The following ZNF804B variants were observed in gnomAD, a reference collection of about 807,000 sequenced individuals.
The protein encoded by ZNF804B is zinc finger 804B.
In ZNF804B, 80 loss-of-function variants were observed where a neutral mutation model predicts 101.4. The observed-to-expected ratio is 0.79, with a 90% CI of 0.66 to 0.95. The LOEUF (loss-of-function observed/expected upper bound fraction) is 0.95, where lower values mean the gene tolerates loss of function less well. Among genes scored for constraint, ZNF804B ranks in the 40% least tolerant of loss-of-function variants. The probability of loss-of-function intolerance (pLI) is 0.00; values close to 1 mark genes in which losing one functional copy is unlikely to be tolerated. For missense variants in ZNF804B, 1,673 were observed against 1,561.9 expected, an observed-to-expected ratio of 1.07 and a Z score of -1.20; for synonymous variants, 622 against 558.8, an observed-to-expected ratio of 1.11 and a Z score of -1.59.
intron 2 of ZNF804B, among the ~76,000 whole-genome samples, chr7:89,285,037 A>G (rs1326806036): frequency 1.3e-5 from 2 of 151,828 alleles, no homozygotes; most frequent in Non-Finnish European, 2.9e-5. Context: ...TGTCTCCACT[A>G]AATAAAAAAA....
chr7:89,332,965 T>G (rs1791010349), intron 3 of ZNF804B, among the ~76,000 whole-genome samples: 1 of 151,836 alleles, frequency 6.6e-6, no homozygotes, highest in Admixed American at 6.6e-5. Context: ...ATTTTTATAT[T>G]TTTAAAGTGG....
intron 2 of ZNF804B, among the ~76,000 whole-genome samples, chr7:89,252,878 C>T (rs1487103443): frequency 6.6e-6 from 1 of 152,006 alleles, no homozygotes; most frequent in African/African-American, 2.4e-5. Flanking sequence ...ACTGGAAATA[C>T]TGGGGAAGGA....
Position 89,333,611 on chromosome 7 carries a change from T to A in ZNF804B, c.629T>A (p.Leu210His), listed in dbSNP as rs1230164278. ...CAGGTACTGCAAACATCTTCAGATC[T>A]CAGCAATGCAAATCACAGAACAGGA... ...GNQVLQTSSDLSNANHRTGVS... is the reference protein window; with the variant it reads ...GNQVLQTSSDHSNANHRTGVS... Residue 210 changes from leucine (L) to histidine (H), a missense_variant, in exon 4 of 4, where the codon CTC (leucine) becomes CAC (histidine). Transcript: ENST00000333190. 6.2e-7 allele frequency: 1 copy of A among 1,613,514 alleles called. No homozygotes were observed. Among genetic ancestry groups the A allele is most frequent in the Non-Finnish European group, 8.5e-7 (1 of 1,179,736 alleles).
At chr7:89,311,922 G>A (rs1042038496) in intron 2 of ZNF804B, among the ~76,000 whole-genome samples, 1 of 152,212 alleles carries the variant, frequency 6.6e-6, no homozygotes, top group South Asian at 2.1e-4. Flanking sequence ...CCAGATAAAA[G>A]TTCATGCTTT....
rs1338627236 is a variant in ZNF804B, at chr7:89,335,323, A to C, written c.2341A>C (p.Lys781Gln). Residue 781 changes from lysine to glutamine, a missense_variant, in exon 4 of 4, where the codon AAA (lysine) becomes CAA (glutamine). Physicochemically the swap from Lys to Gln is moderately conservative, Grantham distance 53. Transcript: ENST00000333190. Reference sequence around the variant, plus strand: ...CAGCCAAATGCAGTCTGAACCACAGAAAGAGAGGAACTGCAAATTGTGGGA... The same window carrying C: ...CAGCCAAATGCAGTCTGAACCACAGCAAGAGAGGAACTGCAAATTGTGGGA... ...KSSQMQSEPQ[K>Q]ERNCKLWESF... 2 of 1,613,664 alleles carry C rather than the reference A, an allele frequency of 1.2e-6. No homozygotes were observed. Among genetic ancestry groups the C allele is most frequent in the Non-Finnish European group, 1.7e-6 (2 of 1,179,958 alleles).
chr7:88,960,799 A>G (rs73399370), intron 1 of ZNF804B, among the ~76,000 whole-genome samples: 5,538 of 151,494 alleles, frequency 0.037, 128 homozygotes, highest in African/African-American at 0.059. Context: ...GTGCCTGAGT[A>G]GACTTTTCAT....
intron 2 of ZNF804B, among the ~76,000 whole-genome samples, chr7:89,270,292 A>T (rs1455890505): frequency 6.6e-6 from 1 of 152,236 alleles, no homozygotes; most frequent in East Asian, 1.9e-4. Context: ...ATGGCTAGCC[A>T]GTTTCCCCAG....
At chr7:89,074,438 T>G (rs181903868) in intron 1 of ZNF804B, among the ~76,000 whole-genome samples, 60 of 152,290 alleles carry the variant, frequency 3.9e-4, no homozygotes, top group Non-Finnish European at 5.7e-4. Flanking sequence ...TGAATGAGTC[T>G]TATGAGATCT....
At chr7:88,937,255 T>G (rs1445598754) in intron 1 of ZNF804B, among the ~76,000 whole-genome samples, 3 of 152,076 alleles carry the variant, frequency 2.0e-5, no homozygotes, top group Admixed American at 2.0e-4. Context: ...GCTGGCATTC[T>G]GGCATTAGAT....
At chr7:89,170,386 A>G (rs1172162589) in intron 1 of ZNF804B, among the ~76,000 whole-genome samples, 1 of 152,208 alleles carries the variant, frequency 6.6e-6, no homozygotes, top group Non-Finnish European at 1.5e-5. Context: ...TTGCAATAGT[A>G]AACACAAATG....
intron 1 of ZNF804B, among the ~76,000 whole-genome samples, chr7:88,954,627 T>C (rs553653870): frequency 6.6e-6 from 1 of 151,546 alleles, no homozygotes; most frequent in East Asian, 2.0e-4. Flanking sequence ...ATCAATCACA[T>C]TGTACTCCAA....
intron 1 of ZNF804B, among the ~76,000 whole-genome samples, chr7:89,093,573 T>TA (rs1392457875): frequency 1.3e-5 from 2 of 152,252 alleles, no homozygotes; most frequent in Admixed American, 6.5e-5. Context: ...ATAGTTCTGT[T>TA]ACCCTAAAAA....
chr7:89,086,742 C>A (rs913096300), intron 1 of ZNF804B, among the ~76,000 whole-genome samples: 41 of 151,974 alleles, frequency 2.7e-4, no homozygotes, highest in African/African-American at 9.2e-4. Context: ...GATGCCTTTT[C>A]AGAGTTTGCT....
At chr7:89,136,735 G>T (rs975660887) in intron 1 of ZNF804B, among the ~76,000 whole-genome samples, 1 of 98,880 alleles carries the variant, frequency 1.0e-5, no homozygotes, top group African/African-American at 4.9e-5. Context: ...GTGTGTGTGT[G>T]AGTGTGTGTG....
At chr7:88,797,837 A>G (rs1384585028) in intron 1 of ZNF804B, among the ~76,000 whole-genome samples, 2 of 152,098 alleles carry the variant, frequency 1.3e-5, no homozygotes, top group African/African-American at 4.8e-5. Flanking sequence ...TATTATAATT[A>G]TGTTCTCAAA....
chr7:88,952,397 C>A (rs569900255), intron 1 of ZNF804B, among the ~76,000 whole-genome samples: 28 of 151,820 alleles, frequency 1.8e-4, no homozygotes, highest in African/African-American at 6.5e-4. Flanking sequence ...TGCATGGGAC[C>A]AAGGTGGATA....
rs922675444 is a variant in ZNF804B at position 88,770,538 on chromosome 7, A to G, written c.108+10454A>G. On this transcript the variant is annotated intron_variant, in intron 1 of 3. Transcript: ENST00000333190. Reference sequence around the variant, plus strand: ...TTCTGACCTAGAGGACTATAAGATAATAAATTGATGTTGCATTAAGCCAGT... The same window carrying G: ...TTCTGACCTAGAGGACTATAAGATAGTAAATTGATGTTGCATTAAGCCAGT... 5.3e-5 allele frequency among the ~76,000 whole-genome samples: 8 copies of G among 152,224 alleles called. No homozygotes were observed. The East Asian group carries it at 9.6e-4, about 18-fold the overall frequency.
rs1554373340 is a variant in ZNF804B, at chr7:89,171,285, G to GCTTCTTCTTCTT, written c.109-46868_109-46867insTCTTCTTCTTCT. Among the ~76,000 whole-genome samples, 410 of 64,530 alleles carry GCTTCTTCTTCTT rather than the reference G, an allele frequency of 6.4e-3. 2 individuals are homozygous for GCTTCTTCTTCTT. Among genetic ancestry groups the GCTTCTTCTTCTT allele is most frequent in the African/African-American group, 0.012 (232 of 18,964 alleles). The allele number at this position is 64,530 out of a possible 152,430, so 42.3% of individuals were successfully genotyped here. A position where few individuals can be genotyped will look rare whatever the true frequency, so the allele number is the denominator to read the frequency against. ...TGAAGTAGGCACAAATAATGCTGCT[G>GCTTCTTCTTCTT]CTGCTTCTTCTTCTTCTTCTTCTTC... is the stretch of plus-strand genomic sequence containing the variant. On this transcript the variant is annotated intron_variant, in intron 1 of 3. Transcript: ENST00000333190.
intron 1 of ZNF804B, among the ~76,000 whole-genome samples, chr7:89,089,535 A>G (rs1789852127): frequency 6.6e-6 from 1 of 152,070 alleles, no homozygotes; most frequent in Non-Finnish European, 1.5e-5. Flanking sequence ...AAAATGCTTC[A>G]TAAGAGGTAG....
Sources: allele counts gnomAD v4.1 joint callset (sites outside exome capture counted in the v4.1 genomes callset), GRCh38; gene constraint gnomAD v4.1.1; transcripts MANE v1.5; gene names NCBI Gene and HGNC (gene_info 2026-07-23, HGNC 2026-07-21).